Variants in ACAP2 observed in about 807,000 individuals in gnomAD.
ACAP2 encodes the protein ArfGAP with coiled-coil, ankyrin repeat and PH domains 2.
A neutral mutation model predicts 115.8 loss-of-function variants in ACAP2; 39 were observed. The ratio of observed to expected loss-of-function variants is 0.34; its 90% confidence interval spans 0.26 to 0.44. The LOEUF is 0.44. ACAP2 is among the 20% of genes least tolerant of loss of function. ACAP2 has a pLI of 1.00. For missense variants in ACAP2, 662 were observed against 927.6 expected, an observed-to-expected ratio of 0.71 and a Z score of 3.72; for synonymous variants, 289 against 315.8, an observed-to-expected ratio of 0.92 and a Z score of 0.90.
rs887126474 is a variant in ACAP2 at position 195,443,009 on chromosome 3, A to G, written c.-162T>C. The G allele has an allele frequency of 1.8e-6, 1 of 562,490 alleles. No homozygotes were observed. Among genetic ancestry groups the G allele is most frequent in the Non-Finnish European group, 2.9e-6 (1 of 339,776 alleles). The allele number at this position is 562,490 out of a possible 1,614,324, so 34.8% of individuals were successfully genotyped here. On this transcript the variant is annotated 5_prime_UTR_variant, in exon 1 of 23. Transcript: ENST00000326793. ...GGTCATAGCAGCCGCGAAGACGGCG[A>G]CGACTAGTCAGGCCCCAGTCCCGCC...
At chr3:195,339,423 A>C (rs767514574) in intron 6 of ACAP2, among the ~76,000 whole-genome samples, 2 of 151,282 alleles carry the variant, frequency 1.3e-5, no homozygotes, top group African/African-American at 4.8e-5. Flanking sequence ...GAAAAAATTA[A>C]GTGCTATATA....
chr3:195,425,614 C>T (rs1311199679), intron 1 of ACAP2, among the ~76,000 whole-genome samples: 1 of 152,064 alleles, frequency 6.6e-6, no homozygotes, highest in Non-Finnish European at 1.5e-5. Flanking sequence ...GCAATGCCAG[C>T]CCTATTTAAC....
intron 10 of ACAP2, among the ~76,000 whole-genome samples, chr3:195,312,523 G>A (rs561308405): frequency 1.3e-5 from 2 of 151,914 alleles, no homozygotes; most frequent in Non-Finnish European, 2.9e-5. Context: ...CTGGAGTGTC[G>A]TGGTGCAATC....
At chr3:195,375,860 T>C (rs1184015610) in intron 4 of ACAP2, among the ~76,000 whole-genome samples, 1 of 152,218 alleles carries the variant, frequency 6.6e-6, no homozygotes, top group South Asian at 2.1e-4. Flanking sequence ...AGAATTTATG[T>C]AGCAAATCAA....
chr3:195,326,996 A>T, intron 8 of ACAP2, 37 bp from the exon 9 acceptor site: 1 of 1,556,594 alleles, frequency 6.4e-7, no homozygotes, highest in Middle Eastern at 1.7e-4. Flanking sequence ...CAGACTTAAA[A>T]AAAGTATGGA....
At chr3:195,310,885 A>G (rs1420463410) in intron 10 of ACAP2, among the ~76,000 whole-genome samples, 1 of 152,152 alleles carries the variant, frequency 6.6e-6, no homozygotes, top group Non-Finnish European at 1.5e-5. Flanking sequence ...GAAAAACGTC[A>G]TATATCCTAG....
chr3:195,412,974 T>A (rs1577440691), intron 1 of ACAP2: 1 of 433,260 alleles, frequency 2.3e-6, no homozygotes, highest in East Asian at 7.1e-5. Context: ...ATGTAAGGTA[T>A]TACAAGTGCT....
intron 4 of ACAP2, among the ~76,000 whole-genome samples, chr3:195,349,266 G>A (rs1488840339): frequency 1.3e-5 from 2 of 152,112 alleles, no homozygotes; most frequent in Admixed American, 1.3e-4. Context: ...CAGATCACCT[G>A]AGGTCGGGAG....
At chr3:195,389,011 A>C (rs1397706783) in intron 2 of ACAP2, among the ~76,000 whole-genome samples, 4 of 151,906 alleles carry the variant, frequency 2.6e-5, no homozygotes, top group African/African-American at 9.7e-5. Context: ...GTGACAGAGC[A>C]AGAATCCATT....
rs146516120 is a variant in ACAP2, at chr3:195,298,759, G to A, written c.1396-1478C>T. Among the ~76,000 whole-genome samples the A allele has an allele frequency of 2.7e-3, 413 of 152,108 alleles. 17 individuals are homozygous for A. The East Asian group carries it at 0.071, about 26-fold the overall frequency. On this transcript the variant is annotated intron_variant, in intron 15 of 22. Coordinates refer to ENST00000326793, the MANE Select transcript of ACAP2 (RefSeq NM_012287.6). The stretch of plus-strand genomic sequence containing the variant: ...CAATTCTCCTGCCTCAGCCTCCCAA[G>A]TAGCTGGGATTACAAGCATGCACCA...
At chr3:195,349,696 C>A in intron 4 of ACAP2, 1 of 170,254 alleles carries the variant, frequency 5.9e-6, no homozygotes, top group South Asian at 1.3e-4. Context: ...CAAGAAGAAA[C>A]ATCCTGCCAT....
chr3:195,306,720 C>A, intron 12 of ACAP2, 104 bp from the exon 13 acceptor site: 1 of 761,632 alleles, frequency 1.3e-6, no homozygotes, highest in South Asian at 1.9e-5. Context: ...ATTTTCTAGC[C>A]AAAAATATAT....
chr3:195,401,028 T>C (rs1712244412), intron 1 of ACAP2, among the ~76,000 whole-genome samples: 1 of 152,200 alleles, frequency 6.6e-6, no homozygotes, highest in South Asian at 2.1e-4. Flanking sequence ...CAAGACTCCG[T>C]CTCTGTAATT....
At chr3:195,393,919 A>G (rs562084191) in intron 1 of ACAP2, among the ~76,000 whole-genome samples, 54 of 151,692 alleles carry the variant, frequency 3.6e-4, no homozygotes, top group Non-Finnish European at 6.3e-4. Flanking sequence ...AATTATATGC[A>G]TAGCATGAGC....
chr3:195,433,476 C>T (rs1275119976), intron 1 of ACAP2, among the ~76,000 whole-genome samples: 1 of 152,144 alleles, frequency 6.6e-6, no homozygotes, highest in Non-Finnish European at 1.5e-5. Context: ...TGGCTCTATC[C>T]TCTGCTACAG....
At chr3:195,284,833 T>C (rs1256717087) in intron 22 of ACAP2, among the ~76,000 whole-genome samples, 1 of 152,218 alleles carries the variant, frequency 6.6e-6, no homozygotes, top group African/African-American at 2.4e-5. Context: ...CTAATGTGTA[T>C]ATAAATTTAA....
At chr3:195,341,388 G>C (rs951585185) in intron 6 of ACAP2, among the ~76,000 whole-genome samples, 26 of 142,908 alleles carry the variant, frequency 1.8e-4, no homozygotes, top group African/African-American at 6.8e-4. Context: ...GCAGTGGTGC[G>C]ATCTCAGCTC....
Position 195,381,021 on chromosome 3 carries a change from TATC to T in ACAP2, c.270_272del (p.Met90del). 1 of 1,598,842 alleles carries T rather than the reference TATC, an allele frequency of 6.3e-7. No homozygotes were observed. ...TACTGACACTTACTGTGTGAAAATT[TATC>T]ATTTCTTGAAGACTGTCAGAAAACT... On this transcript the variant is annotated inframe_deletion, in exon 4 of 23. Transcript: ENST00000326793.
intron 7 of ACAP2, 98 bp downstream of exon 7, chr3:195,336,834 C>T (rs975919672): frequency 6.3e-6 from 6 of 951,588 alleles, no homozygotes; most frequent in Non-Finnish European, 8.1e-6. Flanking sequence ...CAATTATAAA[C>T]CTTATCATGT....
Sources: gnomAD v4.1 joint callset for allele counts (sites outside exome capture counted in the v4.1 genomes callset) on GRCh38, gnomAD v4.1.1 for gene constraint, MANE v1.5 for transcripts, NCBI Gene and HGNC (gene_info 2026-07-23, HGNC 2026-07-21) for gene names.